HEATR4: variants seen among roughly 807,000 people sequenced by gnomAD.
HEATR4 encodes HEAT repeat-containing protein 4.
A neutral mutation model predicts 108.8 loss-of-function variants in HEATR4; 95 were observed. That is an observed-to-expected ratio of 0.87 (90% CI 0.74 to 1.04). The LOEUF (loss-of-function observed/expected upper bound fraction) is 1.04, where lower values mean the gene tolerates loss of function less well. Among genes scored for constraint, HEATR4 ranks in the 50% least tolerant of loss-of-function variants. The probability of loss-of-function intolerance (pLI) is 0.00; values close to 1 mark genes in which losing one functional copy is unlikely to be tolerated. For synonymous variants in HEATR4, 443 were observed against 459.4 expected (o/e 0.96, Z 0.46); for missense variants, 1,152 against 1,253.8 (o/e 0.92, Z 1.23).
chr14:73,578,818 G>A, the HEATR4 span, among the ~76,000 whole-genome samples: 95 of 151,968 alleles, frequency 6.3e-4, no homozygotes, highest in Admixed American at 1.6e-3. Flanking sequence ...CAGGCGCGGT[G>A]GCTCATGCCT....
At position 73,546,858 on chromosome 14, in the gene HEATR4, G is replaced by A. The variant is rs184020380; in HGVS notation, c.-152+11893C>T. Among the ~76,000 whole-genome samples the A allele has an allele frequency of 5.0e-4, 53 of 106,070 alleles. 1 individual carries two copies. Among genetic ancestry groups the A allele is most frequent in the African/African-American group, 1.5e-3 (51 of 34,966 alleles). 69.6% of individuals were successfully genotyped at this position (106,070 alleles called of 152,430 possible). A position where few individuals can be genotyped will look rare whatever the true frequency, so the allele number is the denominator to read the frequency against. ...TCCCAGCACTTTGGGAGGCCGAGGCGGGCAGATCACCTGAGGTCAGGAGTT... is the reference window on the plus strand; with the variant it reads ...TCCCAGCACTTTGGGAGGCCGAGGCAGGCAGATCACCTGAGGTCAGGAGTT... On this transcript the variant is annotated intron_variant, in intron 1 of 17. Coordinates refer to ENST00000553558, the MANE Select transcript of HEATR4 (RefSeq NM_001220484.1).
the HEATR4 span, among the ~76,000 whole-genome samples, chr14:73,564,109 G>A: frequency 6.6e-6 from 1 of 151,758 alleles, no homozygotes. Flanking sequence ...GACCAGCCTG[G>A]CCAACATGGT....
rs1886828228 is a variant in HEATR4 at position 73,506,457 on chromosome 14, A to G, written c.1986+10T>C. The G allele has an allele frequency of 1.2e-6, 2 of 1,607,342 alleles. No homozygotes were observed. Among genetic ancestry groups the G allele is most frequent in the South Asian group, 1.1e-5 (1 of 90,958 alleles). On this transcript the variant is annotated intron_variant, in intron 10 of 17. Coordinates refer to ENST00000553558, the MANE Select transcript of HEATR4 (RefSeq NM_001220484.1). ...GGCTTTCTGTCCTGGAGGCAAAGAA[A>G]GAGGTTTACCAAGCAGACATTTCCA... is the stretch of plus-strand genomic sequence containing the variant.
intron 12 of HEATR4, among the ~76,000 whole-genome samples, 177 bp downstream of exon 12, chr14:73,500,373 C>T (rs1181089871): frequency 6.6e-6 from 1 of 151,444 alleles, no homozygotes; most frequent in Non-Finnish European, 1.5e-5. Context: ...CCAGGGAAGC[C>T]AAAAGATTGG....
At chr14:73,491,792 G>T (rs757644921) in intron 17 of HEATR4, 1 of 1,588,596 alleles carries the variant, frequency 6.3e-7, no homozygotes, top group Non-Finnish European at 8.6e-7. Context: ...GGTGCAGTTC[G>T]GCCAGCATTT....
chr14:73,595,320 T>C, the HEATR4 span: 1 of 1,614,034 alleles, frequency 6.2e-7, no homozygotes, highest in African/African-American at 1.3e-5. Context: ...ATGATTCCAA[T>C]AGAGAAGGCC....
At chr14:73,625,916 T>C in the HEATR4 span, among the ~76,000 whole-genome samples, 1 of 151,992 alleles carries the variant, frequency 6.6e-6, no homozygotes, top group South Asian at 2.1e-4. Context: ...AAAGGAAGAG[T>C]CTCGGGTCTC....
At chr14:73,621,766 T>C in the HEATR4 span, among the ~76,000 whole-genome samples, 7 of 142,500 alleles carry the variant, frequency 4.9e-5, no homozygotes, top group African/African-American at 5.3e-5. Context: ...TCTTTCTTTT[T>C]TTTTTTTTTT....
chr14:73,517,976 C>T (rs1000028636), intron 5 of HEATR4, among the ~76,000 whole-genome samples: 2 of 152,200 alleles, frequency 1.3e-5, no homozygotes, highest in Admixed American at 6.5e-5. Flanking sequence ...GTCCCAGCTA[C>T]TCGTGAGGCA....
chr14:73,584,763 G>C, the HEATR4 span, among the ~76,000 whole-genome samples: 2 of 147,576 alleles, frequency 1.4e-5, no homozygotes, highest in South Asian at 4.4e-4. Context: ...TTCTCCTTCT[G>C]AGCTTGGGCC....
rs770282493 is a variant in HEATR4, at chr14:73,498,280, A to T, written c.2421T>A (p.Tyr807Ter). ...CCAGCCGTACACCTGGTGACTCTTC[A>T]TAGTGGATAGCCCAGAGCAGAAGAT... ...LTDLLLWAIHYEESPGVRLEA... is the reference protein window; with the variant it reads ...LTDLLLWAIH The change falls in exon 14 of 18, where the codon TAT becomes TAA. Residue 807 changes from tyrosine (Y) to a stop codon, truncating the protein, a stop_gained. Coordinates refer to ENST00000553558, the MANE Select transcript of HEATR4 (RefSeq NM_001220484.1). LOFTEE classifies it high-confidence loss of function. 2 of 1,613,974 alleles carry T rather than the reference A, an allele frequency of 1.2e-6. No individual in the cohort carries two copies. The highest frequency in any genetic ancestry group is 1.7e-5 in the Admixed American group (1 of 59,972).
the HEATR4 span, among the ~76,000 whole-genome samples, chr14:73,579,573 CAAAAA>C: frequency 4.4e-4 from 25 of 56,216 alleles, no homozygotes; most frequent in Non-Finnish European, 6.4e-4. Flanking sequence ...AAAGCCGTCT[CAAAAA>C]AAAAAAAAAA....
chr14:73,612,671 C>T, the HEATR4 span: 9 of 1,411,220 alleles, frequency 6.4e-6, 1 homozygote, highest in South Asian at 7.4e-5. Context: ...GCCAGTCACG[C>T]TGCGCACGTC....
the HEATR4 span, among the ~76,000 whole-genome samples, chr14:73,588,776 A>G: frequency 6.6e-6 from 1 of 151,970 alleles, no homozygotes. Flanking sequence ...CATCCAATAC[A>G]TTTACTTTTC....
At chr14:73,595,109 A>G in the HEATR4 span, 3 of 1,614,174 alleles carry the variant, frequency 1.9e-6, no homozygotes, top group African/African-American at 1.3e-5. Context: ...TTGTCTCTCA[A>G]TGGCCTCATT....
rs577792587 is a variant in HEATR4 at position 73,485,977 on chromosome 14, G to C, written c.2844+7089C>G. Among the ~76,000 whole-genome samples the C allele has an allele frequency of 7.2e-5, 11 of 152,268 alleles. No homozygotes were observed. The South Asian group carries it at 2.3e-3, about 32-fold the overall frequency. ...AATCCACCTGCCTCAGCCTACCAAA[G>C]TGTTGGGATTATCGGTGTTAGCCAC... On this transcript the variant is annotated intron_variant, in intron 17 of 17. Coordinates refer to ENST00000553558, the MANE Select transcript of HEATR4 (RefSeq NM_001220484.1).
chr14:73,565,502 A>T, the HEATR4 span, among the ~76,000 whole-genome samples: 1 of 151,246 alleles, frequency 6.6e-6, no homozygotes, highest in South Asian at 2.1e-4. Context: ...GGTCTCACTG[A>T]CTTCAAGAAT....
the HEATR4 span, chr14:73,569,742 C>A: frequency 1.9e-6 from 3 of 1,609,408 alleles, no homozygotes; most frequent in Admixed American, 1.7e-5. Context: ...GGCCGTGGAG[C>A]TGGAGGTGCT....
chr14:73,519,770 C>T (rs1887861624), intron 4 of HEATR4, among the ~76,000 whole-genome samples: 1 of 152,134 alleles, frequency 6.6e-6, no homozygotes, highest in Non-Finnish European at 1.5e-5. Flanking sequence ...GTAATCCCAG[C>T]ACTTTGGGAG....
Sources: gnomAD v4.1 joint callset for allele counts (sites outside exome capture counted in the v4.1 genomes callset) on GRCh38, gnomAD v4.1.1 for gene constraint, MANE v1.5 for transcripts, NCBI Gene and HGNC (gene_info 2026-07-23, HGNC 2026-07-21) for gene names.